RBFOX3: variants seen among roughly 807,000 people sequenced by gnomAD.
RBFOX3 encodes the protein RNA binding fox-1 homolog 3, also known as RNA binding protein fox-1 homolog 3.
A neutral mutation model predicts 48.7 loss-of-function variants in RBFOX3; 17 were observed. The ratio of observed to expected loss-of-function variants is 0.35; its 90% CI spans 0.24 to 0.52. The LOEUF (loss-of-function observed/expected upper bound fraction) is 0.52. Ranked by LOEUF, RBFOX3 falls within the 20% of genes least tolerant of loss-of-function variation. RBFOX3 has a pLI of 0.94. For synonymous variants in RBFOX3, 212 were observed against 209.5 expected (o/e 1.01, Z -0.10); for missense variants, 382 against 497.5 (o/e 0.77, Z 2.21).
intron 3 of RBFOX3, among the ~76,000 whole-genome samples, chr17:79,291,943 G>A (rs1292846192): frequency 6.6e-6 from 1 of 152,144 alleles, no homozygotes. Flanking sequence ...CAACGCCCAA[G>A]TCTCAATCCT....
At chr17:79,654,007 A>C in the RBFOX3 span, among the ~76,000 whole-genome samples, 1 of 152,068 alleles carries the variant, frequency 6.6e-6, no homozygotes, top group East Asian at 1.9e-4. Context: ...CCTGAACAGT[A>C]TGATTTTGAA....
At chr17:79,207,920 T>A (rs1454142990) in intron 4 of RBFOX3, among the ~76,000 whole-genome samples, 1 of 152,202 alleles carries the variant, frequency 6.6e-6, no homozygotes, top group African/African-American at 2.4e-5. Context: ...ATACAATTAA[T>A]CAATGTTTTG....
At chr17:79,273,527 A>T (rs1223236358) in intron 3 of RBFOX3, among the ~76,000 whole-genome samples, 2 of 134,658 alleles carry the variant, frequency 1.5e-5, no homozygotes, top group Non-Finnish European at 3.1e-5. Context: ...GAAATCACCA[A>T]GCCAGGCTTA....
intron 2 of RBFOX3, among the ~76,000 whole-genome samples, chr17:79,352,878 G>A (rs1224198701): frequency 6.6e-6 from 1 of 152,218 alleles, no homozygotes; most frequent in Non-Finnish European, 1.5e-5. Flanking sequence ...GCTGGGCACT[G>A]GGGCCACATC....
intron 3 of RBFOX3, among the ~76,000 whole-genome samples, chr17:79,290,921 C>T (rs76545122): frequency 0.087 from 13,188 of 152,218 alleles, 636 homozygotes; most frequent in East Asian, 0.2. Context: ...TCTGCTGGGG[C>T]GAGGGGCAGC....
At position 79,209,760 on chromosome 17, in the gene RBFOX3, G is replaced by C. The variant is rs568881257; in HGVS notation, c.-34+26006C>G. ...TGTAATCCCAGCACTTTGGGAGGCG[G>C]AGGCGGGTGGATCACGAGGTCAGGG... On this transcript the variant is annotated intron_variant, in intron 4 of 14. Transcript: ENST00000693108. 5.9e-3 allele frequency among the ~76,000 whole-genome samples: 893 copies of C among 152,314 alleles called. 4 individuals are homozygous for C. The highest frequency in any genetic ancestry group is 0.02 in the Middle Eastern group (6 of 294).
chr17:79,220,153 C>T lies in RBFOX3; in HGVS notation c.-34+15613G>A, dbSNP rs1196904321. 6.6e-6 allele frequency among the ~76,000 whole-genome samples: 1 copy of T among 152,200 alleles called. No homozygotes were observed. Among genetic ancestry groups the T allele is most frequent in the Non-Finnish European group, 1.5e-5 (1 of 68,038 alleles). Reference sequence around the variant, plus strand: ...CCCAGATCTGCCCAGAGTGAGAAAGCAACACGCAGTCCACGCTTGGTACAT... The same window carrying T: ...CCCAGATCTGCCCAGAGTGAGAAAGTAACACGCAGTCCACGCTTGGTACAT... On this transcript the variant is annotated intron_variant, in intron 4 of 14. Transcript: ENST00000693108. The surrounding 1 kb of genome is among the most constrained non-coding windows in gnomAD (Gnocchi z 5.9).
chr17:79,186,419 C>G (rs12937264), intron 4 of RBFOX3, among the ~76,000 whole-genome samples: 45,540 of 152,158 alleles, frequency 0.3, 7,020 homozygotes, highest in East Asian at 0.39. Flanking sequence ...CCTGACTCTG[C>G]GGACCCCACC....
intron 1 of RBFOX3, among the ~76,000 whole-genome samples, chr17:79,525,834 T>G (rs2086726907): frequency 6.6e-6 from 1 of 152,214 alleles, no homozygotes; most frequent in Non-Finnish European, 1.5e-5. Context: ...ACCTGTCTCT[T>G]GTGATAACTG....
In RBFOX3 at chr17:79,272,998, G is replaced by A. The variant is rs1209676592; in HGVS notation, c.-74+34726C>T. On this transcript the variant is annotated intron_variant, in intron 3 of 14. Transcript: ENST00000693108. ...CTAACCTGCTAGGAATTTGAAAAAT[G>A]TTCCCACGTTTCAAGGGGCGCCATG... Among the ~76,000 whole-genome samples the A allele has an allele frequency of 2.0e-5, 3 of 152,152 alleles. No homozygotes were observed. In the East Asian group the frequency reaches 5.8e-4, roughly 29 times the overall value.
At chr17:79,209,913 C>G (rs531357189) in intron 4 of RBFOX3, among the ~76,000 whole-genome samples, 3 of 149,524 alleles carry the variant, frequency 2.0e-5, no homozygotes, top group African/African-American at 7.4e-5. Flanking sequence ...AGGAGAATGG[C>G]GTGAACCTGG....
upstream of RBFOX3, among the ~76,000 whole-genome samples, chr17:79,615,162 ATCACAAAGCGTGCCT>A (rs2093989081): frequency 6.6e-6 from 1 of 152,180 alleles, no homozygotes; most frequent in Admixed American, 6.5e-5. Context: ...CAGCTAACCA[ATCACAAAGCGTGCCT>A]TCAAAAGCTG....
At chr17:79,337,027 G>A in intron 2 of RBFOX3, among the ~76,000 whole-genome samples, 1 of 152,150 alleles carries the variant, frequency 6.6e-6, no homozygotes. Flanking sequence ...AGCTGAGGCA[G>A]AAGAATCGCT....
At chr17:79,150,045 G>GGGT (rs2044046915) in intron 4 of RBFOX3, among the ~76,000 whole-genome samples, 2 of 47,052 alleles carry the variant, frequency 4.3e-5, no homozygotes, top group Non-Finnish European at 9.3e-5. Context: ...TGGGGGTGGG[G>GGGT]GATGGGGATG....
chr17:79,174,578 ACATT>A (rs1361273013), intron 4 of RBFOX3, among the ~76,000 whole-genome samples: 1 of 152,048 alleles, frequency 6.6e-6, no homozygotes, highest in Non-Finnish European at 1.5e-5. Flanking sequence ...ATGCACTCAT[ACATT>A]GACACATGCA....
In RBFOX3 at chr17:79,299,395, A is replaced by G. The variant is rs961129239; in HGVS notation, c.-74+8329T>C. 6.6e-6 allele frequency among the ~76,000 whole-genome samples: 1 copy of G among 152,188 alleles called. No homozygotes were observed. Among genetic ancestry groups the G allele is most frequent in the African/African-American group, 2.4e-5 (1 of 41,438 alleles). On this transcript the variant is annotated intron_variant, in intron 3 of 14. Transcript: ENST00000693108. The surrounding 1 kb of genome is among the most constrained non-coding windows in gnomAD (Gnocchi z 4.5). ...TGCATCCATGGATTAAACCAACCACAGGTCAAAAGTATTAGAAAAATAAAT... is the reference window on the plus strand; with the variant it reads ...TGCATCCATGGATTAAACCAACCACGGGTCAAAAGTATTAGAAAAATAAAT...
At chr17:79,397,508 A>G (rs959670630) in intron 2 of RBFOX3, among the ~76,000 whole-genome samples, 32 of 146,300 alleles carry the variant, frequency 2.2e-4, no homozygotes, top group African/African-American at 7.7e-4. Context: ...AAAAAAAAAA[A>G]GTGCGACCCC....
At chr17:79,197,392 T>TTC (rs559019822) in intron 4 of RBFOX3, among the ~76,000 whole-genome samples, 2 of 115,378 alleles carry the variant, frequency 1.7e-5, no homozygotes, top group East Asian at 3.2e-4. Flanking sequence ...TTCTTTCTTT[T>TTC]TTTTTTTTTT....
chr17:79,134,683 G>A (rs1016367540), intron 4 of RBFOX3, among the ~76,000 whole-genome samples: 1 of 152,188 alleles, frequency 6.6e-6, no homozygotes, highest in East Asian at 1.9e-4. Flanking sequence ...AAGCCAGTTG[G>A]CACCCTGACC....
Sources: allele counts gnomAD v4.1 joint callset (sites outside exome capture counted in the v4.1 genomes callset), GRCh38; gene constraint gnomAD v4.1.1; non-coding constraint Gnocchi (gnomAD v3.1); transcripts MANE v1.5; gene names NCBI Gene and HGNC (gene_info 2026-07-23, HGNC 2026-07-21).